ATP11A: variants seen among roughly 807,000 people sequenced by gnomAD.
The protein encoded by ATP11A is phospholipid-transporting ATPase IH.
In ATP11A, 81 loss-of-function variants were observed where a neutral mutation model predicts 154.4. The ratio of observed to expected loss-of-function variants is 0.52; its 90% CI spans 0.44 to 0.63. The LOEUF (loss-of-function observed/expected upper bound fraction) is 0.63, where lower values mean the gene tolerates loss of function less well. ATP11A is among the 30% of genes least tolerant of loss of function. The pLI is 0.00. For synonymous variants in ATP11A, 623 were observed against 585.9 expected (o/e 1.06, Z -0.91); for missense variants, 1,316 against 1,474.3 (o/e 0.89, Z 1.76).
Position 112,697,222 on chromosome 13 carries a change from G to A in ATP11A, c.39+6767G>A, listed in dbSNP as rs781111616. ...GGTGCTGGCCTCTGCCTTCCCCAGG[G>A]CCACGGTGGGCTCCTAGTGGCCTTT... On this transcript the variant is annotated intron_variant, in intron 1 of 29. Coordinates refer to ENST00000375645, the MANE Select transcript of ATP11A (RefSeq NM_015205.3). This position sits in a 1 kb window ranked among gnomAD's most constrained non-coding sequence, Gnocchi z 4.0. 1.1e-3 allele frequency among the ~76,000 whole-genome samples: 173 copies of A among 152,262 alleles called. No homozygotes were observed. Among genetic ancestry groups the A allele is most frequent in the Middle Eastern group, 6.8e-3 (2 of 294 alleles).
chr13:112,865,659 C>T (rs919054537), intron 25 of ATP11A, among the ~76,000 whole-genome samples: 10 of 152,260 alleles, frequency 6.6e-5, no homozygotes, highest in African/African-American at 2.4e-4. Flanking sequence ...ACGCCATTCT[C>T]CTGCCTCAGC....
chr13:112,795,109 T>TG (rs1566493330), intron 2 of ATP11A, among the ~76,000 whole-genome samples: 1 of 148,188 alleles, frequency 6.7e-6, no homozygotes, highest in African/African-American at 2.5e-5. Context: ...CCGGGCATCT[T>TG]GGGGGGTTGC....
chr13:112,805,351 T>C (rs897990420), intron 3 of ATP11A, among the ~76,000 whole-genome samples: 5 of 152,194 alleles, frequency 3.3e-5, no homozygotes, highest in African/African-American at 1.2e-4. Flanking sequence ...TGCCAAGCTA[T>C]GCATCGTTAC....
chr13:112,877,949 G>C (rs770211305), intron 28 of ATP11A, among the ~76,000 whole-genome samples: 22 of 151,958 alleles, frequency 1.4e-4, no homozygotes, highest in Non-Finnish European at 2.8e-4. Flanking sequence ...CAAGAGCCCC[G>C]GGAATGCTTA....
intron 6 of ATP11A, 84 bp downstream of exon 6, chr13:112,816,295 T>A: frequency 1.3e-6 from 2 of 1,567,388 alleles, no homozygotes; most frequent in Non-Finnish European, 1.7e-6. Context: ...GAAACTAACA[T>A]CCTGTTTGAA....
chr13:112,705,376 G>A (rs755452593), intron 1 of ATP11A, among the ~76,000 whole-genome samples: 4 of 152,210 alleles, frequency 2.6e-5, no homozygotes, highest in African/African-American at 7.2e-5. Flanking sequence ...CTCAGCACGC[G>A]GGGGTGCTCA....
chr13:112,874,150 G>A (rs1419417428), intron 27 of ATP11A, among the ~76,000 whole-genome samples: 2 of 152,226 alleles, frequency 1.3e-5, no homozygotes, highest in East Asian at 1.9e-4. Context: ...GCCCAGGCAT[G>A]GTGGGGCTGG....
chr13:112,805,692 GAA>G (rs1480019219), intron 3 of ATP11A, among the ~76,000 whole-genome samples: 18 of 142,538 alleles, frequency 1.3e-4, no homozygotes, highest in Admixed American at 1.1e-3. Context: ...AAAAAAAAGA[GAA>G]AGAAAAAGAA....
chr13:112,865,317 A>G lies in ATP11A; in HGVS notation c.2991+2742A>G, dbSNP rs71446667. Among the ~76,000 whole-genome samples, 27 of 143,584 alleles carry G rather than the reference A, an allele frequency of 1.9e-4. 1 individual carries two copies. The highest frequency in any genetic ancestry group is 6.6e-4 in the African/African-American group (26 of 39,136). The allele number at this position is 143,584 out of a possible 152,430, so 94.2% of individuals were successfully genotyped here. A position where few individuals can be genotyped will look rare whatever the true frequency, so the allele number is the denominator to read the frequency against. ...CACCACCTGCGCAGTAATTCAGTGCAGCCCGTGCAGCTTCCCAGCGGGGTC... is the reference window on the plus strand; with the variant it reads ...CACCACCTGCGCAGTAATTCAGTGCGGCCCGTGCAGCTTCCCAGCGGGGTC... On this transcript the variant is annotated intron_variant, in intron 25 of 29. Coordinates refer to ENST00000375645, the MANE Select transcript of ATP11A (RefSeq NM_015205.3).
At chr13:112,725,831 CA>C (rs1242898171) in intron 1 of ATP11A, among the ~76,000 whole-genome samples, 4 of 152,210 alleles carry the variant, frequency 2.6e-5, no homozygotes, top group African/African-American at 9.6e-5. Flanking sequence ...TCCCTGCGTG[CA>C]GGTGAGAACG....
intron 2 of ATP11A, among the ~76,000 whole-genome samples, chr13:112,801,828 C>T (rs909922817): frequency 2.0e-5 from 3 of 152,138 alleles, no homozygotes; most frequent in African/African-American, 7.2e-5. Context: ...GGGAAAACTC[C>T]ATGTTTTTAA....
intron 17 of ATP11A, among the ~76,000 whole-genome samples, chr13:112,846,933 C>CTGTCCCACCCTCCTCCTAATGGCT (rs1566566587): frequency 6.6e-6 from 1 of 152,228 alleles, no homozygotes; most frequent in African/African-American, 2.4e-5. Flanking sequence ...TGGCAGCAGG[C>CTGTCCCACCCTCCTCCTAATGGCT]TGTCCCACCC....
At chr13:112,765,072 A>G (rs1538227) in intron 1 of ATP11A, among the ~76,000 whole-genome samples, 10,392 of 152,062 alleles carry the variant, frequency 0.068, 1,168 homozygotes, top group African/African-American at 0.23. Flanking sequence ...GCTGCCTGGC[A>G]ACTTTGAGGG....
At position 112,810,670 on chromosome 13, in the gene ATP11A, C is replaced by T; in HGVS notation, c.385C>T (p.Pro129Ser). 1 of 1,614,176 alleles carries T rather than the reference C, an allele frequency of 6.2e-7. No homozygotes were observed. Among genetic ancestry groups the T allele is most frequent in the Non-Finnish European group, 8.5e-7 (1 of 1,180,038 alleles). ...HKADNAMNQC[P>S]VHFIQHGKLV... ...AGCAGACAATGCCATGAACCAGTGT[C>T]CTGTTCATTTCATTCAGCACGGCAA... The change falls in exon 5 of 30, where the codon CCT becomes TCT. Residue 129 changes from proline to serine, a missense_variant. Around this residue, in one of 5 missense-constraint regions of ATP11A, gnomAD observed 876 missense variants for 1,006.8 expected, o/e 0.87. Coordinates refer to ENST00000375645, the MANE Select transcript of ATP11A (RefSeq NM_015205.3).
intron 1 of ATP11A, among the ~76,000 whole-genome samples, chr13:112,766,372 C>T (rs1481807535): frequency 6.6e-6 from 1 of 152,174 alleles, no homozygotes; most frequent in Non-Finnish European, 1.5e-5. Flanking sequence ...AAGTAAGAAC[C>T]CAAAACTGTA....
intron 24 of ATP11A, 63 bp from the exon 25 acceptor site, chr13:112,862,377 C>G (rs539379619): frequency 1.3e-6 from 2 of 1,598,512 alleles, no homozygotes; most frequent in East Asian, 4.5e-5. Flanking sequence ...CACCCCAGAG[C>G]CTGGGGGAGG....
At position 112,856,093 on chromosome 13, in the gene ATP11A, C is replaced by G. The variant is rs1468272375; in HGVS notation, c.2418+8C>G. The G allele has an allele frequency of 6.2e-7, 1 of 1,607,980 alleles. No homozygotes were observed. The highest frequency in any genetic ancestry group is 1.1e-5 in the South Asian group (1 of 90,562). On this transcript the variant is annotated splice_region_variant and intron_variant, in intron 20 of 29. Transcript: ENST00000375645. The stretch of plus-strand genomic sequence containing the variant: ...CCCTTGCAGAAGGCTCAGGTGCTGC[C>G]CGCCCGTCCTCGATAGCTGGTGGTC...
At chr13:112,819,837 G>C in intron 7 of ATP11A, 63 bp from the exon 8 acceptor site, 1 of 1,583,262 alleles carries the variant, frequency 6.3e-7, no homozygotes, top group Non-Finnish European at 8.7e-7. Context: ...AGGTGGGCCA[G>C]GCGCGCGCTT....
intron 5 of ATP11A, among the ~76,000 whole-genome samples, chr13:112,814,884 T>C (rs1285381165): frequency 1.3e-5 from 2 of 152,200 alleles, no homozygotes. Context: ...TTTATATCTA[T>C]AAAAATCCTT....
Sources: gnomAD v4.1 joint callset for allele counts (sites outside exome capture counted in the v4.1 genomes callset) on GRCh38, gnomAD v4.1.1 for gene constraint, gnomAD v4.1.1 regional missense constraint, Gnocchi (gnomAD v3.1) non-coding constraint, MANE v1.5 for transcripts, NCBI Gene and HGNC (gene_info 2026-07-23, HGNC 2026-07-21) for gene names.